Variants in ATAD1 observed in about 807,000 individuals in gnomAD.
ATAD1 encodes outer mitochondrial transmembrane helix translocase.
Under a neutral mutation model 42.7 loss-of-function variants are expected in ATAD1, and 18 were observed. That is an observed-to-expected ratio of 0.42 (90% CI 0.29 to 0.63). The LOEUF (loss-of-function observed/expected upper bound fraction) is 0.63, where lower values mean the gene tolerates loss of function less well. ATAD1 is among the 20% of genes least tolerant of loss of function. ATAD1 has a pLI of 0.19. For missense variants in ATAD1, 294 were observed against 440.4 expected, an observed-to-expected ratio of 0.67 and a Z score of 2.98; for synonymous variants, 132 against 143.1, an observed-to-expected ratio of 0.92 and a Z score of 0.55.
chr10:87,761,922 C>A (rs1205957504), intron 8 of ATAD1, among the ~76,000 whole-genome samples: 1 of 151,774 alleles, frequency 6.6e-6, no homozygotes, highest in Non-Finnish European at 1.5e-5. Context: ...TTTAAAATTT[C>A]TTTGTAGAGG....
At chr10:87,824,564 T>C (rs146425473) in intron 1 of ATAD1, among the ~76,000 whole-genome samples, 9 of 152,334 alleles carry the variant, frequency 5.9e-5, no homozygotes, top group South Asian at 2.1e-4. Flanking sequence ...AGTGCTGAGC[T>C]CAATGCCTGG....
intron 1 of ATAD1, among the ~76,000 whole-genome samples, chr10:87,825,459 G>A (rs965903739): frequency 6.6e-6 from 1 of 151,762 alleles, no homozygotes; most frequent in African/African-American, 2.4e-5. Flanking sequence ...ACAGGCGCCC[G>A]CCACCACACC....
chr10:87,790,416 A>C lies in ATAD1; in HGVS notation c.276T>G (p.Asp92Glu). The C allele has an allele frequency of 6.2e-7, 1 of 1,608,220 alleles. No homozygotes were observed. Among genetic ancestry groups the C allele is most frequent in the East Asian group, 2.2e-5 (1 of 44,614 alleles). ...DPLNMHVTWS[D>E]IAGLDDVITD... ...TAATGACATCATCTAAACCTGCTAT[A>C]TCACTCCAAGTAACCTGGCAAAAGT... Residue 92 changes from aspartate to glutamate, a missense_variant, in exon 4 of 10, where the codon GAT becomes GAG. By Grantham distance (45) the Asp-to-Glu change is conservative. Transcript: ENST00000680024.
intron 4 of ATAD1, among the ~76,000 whole-genome samples, chr10:87,787,681 A>C (rs1383209464): frequency 6.6e-6 from 1 of 152,222 alleles, no homozygotes; most frequent in African/African-American, 2.4e-5. Context: ...ATTTGTGACA[A>C]ATATTCCACC....
chr10:87,763,200 T>A (rs935535394), intron 8 of ATAD1, among the ~76,000 whole-genome samples: 1 of 151,960 alleles, frequency 6.6e-6, no homozygotes, highest in East Asian at 1.9e-4. Flanking sequence ...ACTGTACATA[T>A]TTCATGTACA....
intron 8 of ATAD1, chr10:87,759,843 T>A: frequency 4.6e-6 from 2 of 435,784 alleles, no homozygotes; most frequent in East Asian, 1.4e-4. Context: ...AATAAAACAA[T>A]GTATAGCTCA....
intron 1 of ATAD1, among the ~76,000 whole-genome samples, chr10:87,838,461 C>CAAAAA (rs770282016): frequency 7.0e-5 from 3 of 42,638 alleles, no homozygotes; most frequent in Admixed American, 3.4e-4. Flanking sequence ...GACTCTATCT[C>CAAAAA]AAAAAAAAAA....
At chr10:87,773,159 A>G (rs761612875) in intron 6 of ATAD1, among the ~76,000 whole-genome samples, 15 of 152,324 alleles carry the variant, frequency 9.8e-5, no homozygotes, top group Admixed American at 6.5e-4. Flanking sequence ...AATTTAAAAT[A>G]AAAGTTTAAA....
intron 5 of ATAD1, among the ~76,000 whole-genome samples, chr10:87,782,259 C>A (rs1855601880): frequency 6.6e-6 from 1 of 152,172 alleles, no homozygotes; most frequent in Non-Finnish European, 1.5e-5. Flanking sequence ...GATTCTGTAT[C>A]ATTTAAGAGA....
chr10:87,809,426 C>T (rs1857074508), intron 2 of ATAD1, among the ~76,000 whole-genome samples: 3 of 151,518 alleles, frequency 2.0e-5, no homozygotes, highest in South Asian at 2.1e-4. Flanking sequence ...TGTTGAGTAG[C>T]GTGAGGAAGA....
In ATAD1 at chr10:87,752,684, G is replaced by C. The variant is rs1854064757; in HGVS notation, c.*2003C>G. On this transcript the variant is annotated 3_prime_UTR_variant, in exon 10 of 10. Transcript: ENST00000680024. The stretch of plus-strand genomic sequence containing the variant: ...AATGCATGTCTAAAACAGAAGGATA[G>C]ATGTTACATAACACTAAAAGTTATT... 6.6e-6 allele frequency: 1 copy of C among 152,114 alleles called. No individual in the cohort carries two copies. The highest frequency in any genetic ancestry group is 2.1e-4 in the South Asian group (1 of 4,828). 9.4% of individuals were successfully genotyped at this position (152,114 alleles called of 1,614,324 possible). A position where few individuals can be genotyped will look rare whatever the true frequency, so the allele number is the denominator to read the frequency against.
chr10:87,781,593 G>A (rs1855560942), intron 5 of ATAD1, among the ~76,000 whole-genome samples: 1 of 152,282 alleles, frequency 6.6e-6, no homozygotes, highest in Middle Eastern at 3.4e-3. Context: ...ATGAAATACT[G>A]TACAGAACTA....
chr10:87,765,751 C>G (rs998643695), intron 8 of ATAD1, among the ~76,000 whole-genome samples: 1 of 152,022 alleles, frequency 6.6e-6, no homozygotes, highest in Non-Finnish European at 1.5e-5. Context: ...CATTTTTGAC[C>G]AGCTGTGGTG....
At chr10:87,777,436 TA>T (rs1855355614) in intron 5 of ATAD1, among the ~76,000 whole-genome samples, 1 of 152,202 alleles carries the variant, frequency 6.6e-6, no homozygotes, top group East Asian at 1.9e-4. Context: ...TACGTTGTAT[TA>T]TAGCTCAGGG....
chr10:87,773,006 T>C (rs1024847532), intron 6 of ATAD1, among the ~76,000 whole-genome samples: 2 of 152,116 alleles, frequency 1.3e-5, no homozygotes, highest in African/African-American at 4.8e-5. Context: ...AATCATGGCC[T>C]CCAGCTTCAT....
At chr10:87,818,013 C>T in intron 1 of ATAD1, 154 bp downstream of exon 1, 1 of 985,756 alleles carries the variant, frequency 1.0e-6, no homozygotes, top group African/African-American at 1.7e-5. Flanking sequence ...ATACTAAGGG[C>T]TGCGGGGCGC....
chr10:87,781,042 T>C (rs1855537342), intron 5 of ATAD1, among the ~76,000 whole-genome samples: 1 of 152,128 alleles, frequency 6.6e-6, no homozygotes, highest in African/African-American at 2.4e-5. Flanking sequence ...CTAAAATTGG[T>C]TTTGAACGAT....
intron 2 of ATAD1, among the ~76,000 whole-genome samples, chr10:87,802,021 T>C (rs966023021): frequency 1.3e-5 from 2 of 152,232 alleles, no homozygotes; most frequent in Admixed American, 6.5e-5. Context: ...AACAATTCAG[T>C]AGACTCCTAT....
chr10:87,796,339 C>T (rs1360042647), intron 2 of ATAD1, among the ~76,000 whole-genome samples: 2 of 152,200 alleles, frequency 1.3e-5, no homozygotes, highest in African/African-American at 2.4e-5. Context: ...TATTCAAAGT[C>T]ACCCCTCTGG....
Sources: allele counts gnomAD v4.1 joint callset (sites outside exome capture counted in the v4.1 genomes callset), GRCh38; gene constraint gnomAD v4.1.1; transcripts MANE v1.5; gene names NCBI Gene and HGNC (gene_info 2026-07-23, HGNC 2026-07-21).